The following SPATA31H1 variants were observed in gnomAD, a reference collection of about 807,000 sequenced individuals.
SPATA31H1 encodes SPATA31 subfamily H member 1, also known as spermatogenesis-associated protein 31H1.
chr2:27,580,944 A>G, the SPATA31H1 span: 3 of 1,614,108 alleles, frequency 1.9e-6, no homozygotes, highest in Non-Finnish European at 2.5e-6. Flanking sequence ...GCCCAAGCCC[A>G]CAGATTCCCA....
At chr2:27,562,014 G>A in the SPATA31H1 span, among the ~76,000 whole-genome samples, 1 of 152,110 alleles carries the variant, frequency 6.6e-6, no homozygotes, top group Admixed American at 6.6e-5. Context: ...ATCACCATTT[G>A]CTAAACAATC....
At chr2:27,538,769 T>G in the SPATA31H1 span, among the ~76,000 whole-genome samples, 1 of 151,784 alleles carries the variant, frequency 6.6e-6, no homozygotes, top group Non-Finnish European at 1.5e-5. Context: ...AGGCAGAGGT[T>G]GCAGTGAGCT....
At chr2:27,580,561 C>T in the SPATA31H1 span, 1 of 1,614,240 alleles carries the variant, frequency 6.2e-7, no homozygotes, top group Non-Finnish European at 8.5e-7. Flanking sequence ...ATTGGAGCAA[C>T]TCAGACAAGT....
chr2:27,573,431 A>C, the SPATA31H1 span: 2 of 398,388 alleles, frequency 5.0e-6, no homozygotes, highest in African/African-American at 4.1e-5. Flanking sequence ...CAACTGTAGA[A>C]TTGAAACCTT....
the SPATA31H1 span, chr2:27,579,157 G>T: frequency 1.9e-6 from 3 of 1,614,130 alleles, no homozygotes; most frequent in South Asian, 1.1e-5. Context: ...GTTCAGAAAG[G>T]TCTCATCAAG....
chr2:27,565,701 T>C, the SPATA31H1 span, among the ~76,000 whole-genome samples: 2 of 152,160 alleles, frequency 1.3e-5, 1 homozygote, highest in African/African-American at 4.8e-5. Context: ...TGAGGGAAGT[T>C]TCCCTATCTT....
At chr2:27,541,153 G>A in the SPATA31H1 span, among the ~76,000 whole-genome samples, 4 of 150,814 alleles carry the variant, frequency 2.7e-5, no homozygotes, top group Non-Finnish European at 5.9e-5. Context: ...TCGGGAGGCC[G>A]AGGCTGGCGG....
At chr2:27,554,024 T>G in the SPATA31H1 span, among the ~76,000 whole-genome samples, 1 of 152,112 alleles carries the variant, frequency 6.6e-6, no homozygotes, top group Admixed American at 6.5e-5. Flanking sequence ...TTCTGTTAAG[T>G]TCTTTGCCAC....
the SPATA31H1 span, chr2:27,581,135 T>C: frequency 1.9e-6 from 3 of 1,614,048 alleles, no homozygotes; most frequent in Non-Finnish European, 2.5e-6. Context: ...CTGGTTCCCC[T>C]GTGAAGAGAA....
At chr2:27,568,060 C>A in the SPATA31H1 span, 1 of 398,954 alleles carries the variant, frequency 2.5e-6, no homozygotes, top group Non-Finnish European at 4.4e-6. Context: ...GAGAGGGTGG[C>A]CACAAGATTA....
the SPATA31H1 span, chr2:27,571,875 G>T: frequency 2.5e-6 from 1 of 398,508 alleles, no homozygotes; most frequent in Non-Finnish European, 4.4e-6. Context: ...GTTTGAAGAA[G>T]TAAAATCTGT....
At chr2:27,538,273 A>C in the SPATA31H1 span, among the ~76,000 whole-genome samples, 2 of 150,882 alleles carry the variant, frequency 1.3e-5, no homozygotes, top group African/African-American at 5.0e-5. Flanking sequence ...AGCACTTCTT[A>C]AACTTTAACA....
chr2:27,578,435 C>G, the SPATA31H1 span: 1 of 1,613,928 alleles, frequency 6.2e-7, no homozygotes, highest in Non-Finnish European at 8.5e-7. Context: ...TAGGAGTAGC[C>G]CTAGAATCAG....
At chr2:27,567,182 T>C in the SPATA31H1 span, 1 of 647,956 alleles carries the variant, frequency 1.5e-6, no homozygotes, top group African/African-American at 1.8e-5. Context: ...GCAAGAGTCA[T>C]TTGACATCAG....
At chr2:27,560,460 A>AT in the SPATA31H1 span, among the ~76,000 whole-genome samples, 1,627 of 140,746 alleles carry the variant, frequency 0.012, 17 homozygotes, top group African/African-American at 0.036. Context: ...CTCAAAGAGT[A>AT]TTTTTTTTTT....
At chr2:27,581,728 G>A in the SPATA31H1 span, 28 of 1,605,104 alleles carry the variant, frequency 1.7e-5, no homozygotes, top group African/African-American at 1.5e-4. Flanking sequence ...AGAAGCCATC[G>A]CAGTCCCGCT....
the SPATA31H1 span, chr2:27,576,286 T>G: frequency 7.0e-6 from 3 of 430,996 alleles, no homozygotes; most frequent in African/African-American, 2.0e-5. Context: ...AAATGTGAAC[T>G]GACTCCAGGG....
At chr2:27,573,134 A>G in the SPATA31H1 span, 1 of 398,008 alleles carries the variant, frequency 2.5e-6, no homozygotes, top group Non-Finnish European at 4.4e-6. Context: ...GTGTAAAATC[A>G]TCTGAATTGA....
chr2:27,543,489 C>A, the SPATA31H1 span, among the ~76,000 whole-genome samples: 2,450 of 145,876 alleles, frequency 0.017, 101 homozygotes, highest in African/African-American at 0.056. Flanking sequence ...ATGGCAAGGG[C>A]TTTTTTTTTG....
Sources: gnomAD v4.1 joint callset for allele counts (sites outside exome capture counted in the v4.1 genomes callset) on GRCh38, gnomAD v4.1.1 for gene constraint, MANE v1.5 for transcripts, NCBI Gene and HGNC (gene_info 2026-07-23, HGNC 2026-07-21) for gene names.